The following CCDC178 variants were observed in gnomAD, a reference collection of about 807,000 sequenced individuals.
CCDC178 encodes the protein coiled-coil domain containing 178.
In CCDC178, 126 loss-of-function variants were observed where a neutral mutation model predicts 117.4. The ratio of observed to expected loss-of-function variants is 1.07; its 90% CI spans 0.93 to 1.24. CCDC178 has a LOEUF of 1.24. Among genes scored for constraint, CCDC178 ranks in the 50% most tolerant of loss-of-function variants. The pLI, the probability that CCDC178 is intolerant of heterozygous loss-of-function variation, is 0.00. For synonymous variants in CCDC178, 283 were observed against 313.4 expected, an observed-to-expected ratio of 0.90 and a Z score of 1.02; for missense variants, 1,030 against 986.9, an observed-to-expected ratio of 1.04 and a Z score of -0.59.
intron 15 of CCDC178, among the ~76,000 whole-genome samples, chr18:33,231,724 G>A (rs1299818269): frequency 6.6e-6 from 1 of 152,114 alleles, no homozygotes; most frequent in African/African-American, 2.4e-5. Flanking sequence ...ACTGCCACCA[G>A]CTGGTGTGTG....
At chr18:33,133,098 G>T (rs1376851146) in intron 20 of CCDC178, among the ~76,000 whole-genome samples, 3 of 151,806 alleles carry the variant, frequency 2.0e-5, no homozygotes, top group African/African-American at 7.2e-5. Context: ...GGAGTTACAT[G>T]AATAAATCTC....
At chr18:33,344,059 C>A (rs996000834) in intron 9 of CCDC178, among the ~76,000 whole-genome samples, 1 of 150,482 alleles carries the variant, frequency 6.6e-6, no homozygotes, top group Non-Finnish European at 1.5e-5. Context: ...AATCCCAGCA[C>A]TTTGGGAGGC....
chr18:33,037,072 T>C (rs1034467570), intron 21 of CCDC178, among the ~76,000 whole-genome samples: 11 of 151,844 alleles, frequency 7.2e-5, no homozygotes, highest in African/African-American at 2.4e-4. Context: ...CAAGGCAATG[T>C]CAATATAATG....
At chr18:33,331,050 T>TTTTTTTTTTTG in intron 10 of CCDC178, among the ~76,000 whole-genome samples, 1 of 145,272 alleles carries the variant, frequency 6.9e-6, no homozygotes, top group South Asian at 2.3e-4. Flanking sequence ...TTTTTTTTTT[T>TTTTTTTTTTTG]TTGGTCTGCT....
At chr18:32,969,798 C>T (rs893404253) in intron 22 of CCDC178, among the ~76,000 whole-genome samples, 1 of 151,980 alleles carries the variant, frequency 6.6e-6, no homozygotes, top group Non-Finnish European at 1.5e-5. Context: ...CAGTCTAAGA[C>T]CACATTCATA....
chr18:33,384,205 G>T (rs1173158900), intron 5 of CCDC178, among the ~76,000 whole-genome samples: 3 of 152,030 alleles, frequency 2.0e-5, no homozygotes, highest in Non-Finnish European at 4.4e-5. Flanking sequence ...TGAGAACTAT[G>T]GGATTATGTA....
At chr18:33,030,278 T>A (rs951225080) in intron 21 of CCDC178, among the ~76,000 whole-genome samples, 5 of 152,110 alleles carry the variant, frequency 3.3e-5, no homozygotes, top group Non-Finnish European at 4.4e-5. Flanking sequence ...ACACATATTC[T>A]AGCTTTTCTT....
intron 20 of CCDC178, among the ~76,000 whole-genome samples, chr18:33,106,746 C>T (rs1197111483): frequency 6.6e-6 from 1 of 151,638 alleles, no homozygotes; most frequent in Non-Finnish European, 1.5e-5. Flanking sequence ...CTGAGTGGGA[C>T]TAACTAATCT....
intron 6 of CCDC178, 69 bp from the exon 7 acceptor site, chr18:33,356,415 TA>T: frequency 7.5e-7 from 1 of 1,336,234 alleles, no homozygotes. Context: ...AAATGTCACT[TA>T]AACTTGTCAA....
chr18:33,201,523 C>T (rs1430687262), intron 20 of CCDC178, among the ~76,000 whole-genome samples: 8 of 152,244 alleles, frequency 5.3e-5, no homozygotes, highest in Admixed American at 2.6e-4. Context: ...TGGACTGATG[C>T]GAATGTCTCT....
chr18:33,430,757 G>A (rs189038904), intron 2 of CCDC178, among the ~76,000 whole-genome samples: 5 of 152,268 alleles, frequency 3.3e-5, no homozygotes, highest in Non-Finnish European at 4.4e-5. Context: ...ATAGAGGGCT[G>A]CACTATTAGG....
chr18:33,308,878 A>AG (rs2062296117), intron 11 of CCDC178, among the ~76,000 whole-genome samples: 1 of 152,208 alleles, frequency 6.6e-6, no homozygotes, highest in South Asian at 2.1e-4. Flanking sequence ...AAGTTTCCTG[A>AG]GGCCTCACAA....
chr18:33,253,307 A>G (rs2059638125), intron 14 of CCDC178, among the ~76,000 whole-genome samples: 2 of 151,824 alleles, frequency 1.3e-5, no homozygotes, highest in African/African-American at 4.8e-5. Flanking sequence ...AGTATACCAT[A>G]TATTGCAGTA....
At chr18:32,971,496 G>A (rs1168417201) in intron 22 of CCDC178, among the ~76,000 whole-genome samples, 1 of 152,140 alleles carries the variant, frequency 6.6e-6, no homozygotes, top group East Asian at 1.9e-4. Context: ...ATGTGCATAT[G>A]TCTTTATAGT....
At chr18:33,391,996 T>A (rs2063570548) in intron 4 of CCDC178, among the ~76,000 whole-genome samples, 1 of 152,042 alleles carries the variant, frequency 6.6e-6, no homozygotes, top group African/African-American at 2.4e-5. Flanking sequence ...CCCAAGTAGC[T>A]GGGACTACAG....
intron 20 of CCDC178, among the ~76,000 whole-genome samples, chr18:33,155,782 T>C (rs2058386744): frequency 6.6e-6 from 1 of 152,110 alleles, no homozygotes; most frequent in African/African-American, 2.4e-5. Context: ...ATGTTTGCAT[T>C]AGGGCCAGGA....
At chr18:33,133,567 T>C (rs1178296644) in intron 20 of CCDC178, among the ~76,000 whole-genome samples, 7 of 151,922 alleles carry the variant, frequency 4.6e-5, no homozygotes, top group African/African-American at 1.7e-4. Context: ...ATGTGAGGTA[T>C]CTATTGTTTT....
intron 21 of CCDC178, among the ~76,000 whole-genome samples, chr18:33,037,995 G>A (rs2056476239): frequency 6.6e-6 from 1 of 151,756 alleles, no homozygotes; most frequent in Admixed American, 6.6e-5. Context: ...TGTTACTTGG[G>A]GAGCCACTGT....
intron 6 of CCDC178, among the ~76,000 whole-genome samples, chr18:33,360,325 AC>A (rs1248858111): frequency 4.0e-5 from 6 of 151,168 alleles, no homozygotes; most frequent in Non-Finnish European, 7.4e-5. Flanking sequence ...AGCCCTCTGT[AC>A]TATAGACAAA....
Sources: gnomAD v4.1 joint callset for allele counts (sites outside exome capture counted in the v4.1 genomes callset) on GRCh38, gnomAD v4.1.1 for gene constraint, MANE v1.5 for transcripts, NCBI Gene and HGNC (gene_info 2026-07-23, HGNC 2026-07-21) for gene names.